Variants in ARHGAP15 observed in about 807,000 individuals in gnomAD.
The protein encoded by ARHGAP15 is rho GTPase-activating protein 15.
ARHGAP15 carries 51 observed loss-of-function variants against 63.7 expected under a neutral mutation model. The ratio of observed to expected loss-of-function variants is 0.80; its 90% CI spans 0.64 to 1.01. The LOEUF (loss-of-function observed/expected upper bound fraction) is 1.01, where lower values mean the gene tolerates loss of function less well. ARHGAP15 is among the 50% of genes least tolerant of loss of function. The pLI is 0.00. For missense variants in ARHGAP15, 560 were observed against 564.6 expected, an observed-to-expected ratio of 0.99 and a Z score of 0.08; for synonymous variants, 191 against 193.8, an observed-to-expected ratio of 0.99 and a Z score of 0.12.
intron 6 of ARHGAP15, among the ~76,000 whole-genome samples, chr2:143,310,705 T>A (rs562348230): frequency 6.6e-6 from 1 of 152,038 alleles, no homozygotes; most frequent in Non-Finnish European, 1.5e-5. Flanking sequence ...TTACATACTT[T>A]ATTTACTTTC....
At chr2:143,320,407 C>CCCCCG (rs1558890268) in intron 6 of ARHGAP15, among the ~76,000 whole-genome samples, 1 of 39,014 alleles carries the variant, frequency 2.6e-5, no homozygotes, top group Non-Finnish European at 6.0e-5. Context: ...AGGACTTCCC[C>CCCCCG]ACCCCCCCCC....
Position 143,435,652 on chromosome 2 carries a change from A to T in ARHGAP15, c.526A>T (p.Ile176Phe), listed in dbSNP as rs1167964320. Residue 176 changes from isoleucine (I) to phenylalanine (F), a missense_variant, in exon 7 of 14, where the codon ATC becomes TTC. By Grantham distance (21) the Ile-to-Phe change is conservative. Coordinates refer to ENST00000295095, the MANE Select transcript of ARHGAP15 (RefSeq NM_018460.4). ...CCTTCTACAGTCAGATATTGACTTC[A>T]TCATATTGGATTGGTTCCACGCTAT... ...EFLLQSDIDF[I>F]ILDWFHAIKN... 1.2e-6 allele frequency: 2 copies of T among 1,602,606 alleles called. No homozygotes were observed. The highest frequency in any genetic ancestry group is 1.7e-6 in the Non-Finnish European group (2 of 1,177,178).
chr2:143,555,832 T>A (rs1268021933), intron 10 of ARHGAP15, among the ~76,000 whole-genome samples: 1 of 145,716 alleles, frequency 6.9e-6, no homozygotes, highest in Non-Finnish European at 1.5e-5. Flanking sequence ...GATCAAAATA[T>A]GTTATTCTGT....
chr2:143,518,962 T>C (rs1450955362), intron 9 of ARHGAP15: 2 of 195,968 alleles, frequency 1.0e-5, no homozygotes, highest in African/African-American at 4.7e-5. Flanking sequence ...AAAAATTTTC[T>C]CAATTCTTTG....
chr2:143,602,203 T>C (rs77739844), intron 11 of ARHGAP15, among the ~76,000 whole-genome samples: 4,007 of 152,242 alleles, frequency 0.026, 92 homozygotes, highest in South Asian at 0.059. Context: ...AAAAATAACA[T>C]TATACAGCTT....
chr2:143,271,687 G>A (rs1043943876), intron 6 of ARHGAP15, among the ~76,000 whole-genome samples: 2 of 152,142 alleles, frequency 1.3e-5, no homozygotes, highest in Non-Finnish European at 2.9e-5. Flanking sequence ...CATGTTAGTC[G>A]GGATAGTCTC....
At chr2:143,564,041 T>C (rs2105103713) in intron 11 of ARHGAP15, 1 of 152,400 alleles carries the variant, frequency 6.6e-6, no homozygotes, top group East Asian at 1.9e-4. Context: ...CAACTGAGGA[T>C]AGGTCTGCTT....
intron 8 of ARHGAP15, among the ~76,000 whole-genome samples, chr2:143,451,166 A>T (rs1690390903): frequency 6.6e-6 from 1 of 151,972 alleles, no homozygotes; most frequent in Admixed American, 6.6e-5. Context: ...AATAAACCTC[A>T]GTAAAGATGA....
At chr2:143,664,812 T>C (rs1031499723) in intron 12 of ARHGAP15, among the ~76,000 whole-genome samples, 1 of 151,790 alleles carries the variant, frequency 6.6e-6, no homozygotes, top group African/African-American at 2.4e-5. Flanking sequence ...AACCAGAAAA[T>C]CTAGAAGAAA....
intron 6 of ARHGAP15, among the ~76,000 whole-genome samples, chr2:143,409,324 TGA>T (rs1321845378): frequency 6.6e-6 from 1 of 151,818 alleles, no homozygotes; most frequent in Non-Finnish European, 1.5e-5. Context: ...GGGACACTAA[TGA>T]GAGAATCTTT....
At chr2:143,490,697 T>G (rs568899127) in intron 9 of ARHGAP15, among the ~76,000 whole-genome samples, 1 of 152,276 alleles carries the variant, frequency 6.6e-6, no homozygotes, top group South Asian at 2.1e-4. Context: ...CTTAGCTCAC[T>G]GCAACCTCTG....
chr2:143,230,771 G>A (rs1693402144), intron 5 of ARHGAP15, among the ~76,000 whole-genome samples: 2 of 152,122 alleles, frequency 1.3e-5, no homozygotes, highest in Non-Finnish European at 2.9e-5. Context: ...CGATTGCCAG[G>A]CCTTGATTAA....
intron 8 of ARHGAP15, among the ~76,000 whole-genome samples, chr2:143,475,962 T>G (rs1691796024): frequency 6.6e-6 from 1 of 152,184 alleles, no homozygotes; most frequent in Non-Finnish European, 1.5e-5. Context: ...CACACCAGAT[T>G]TAATTAAAGC....
At chr2:143,636,651 T>G (rs1482110494) in intron 12 of ARHGAP15, among the ~76,000 whole-genome samples, 1 of 152,128 alleles carries the variant, frequency 6.6e-6, no homozygotes, top group Non-Finnish European at 1.5e-5. Flanking sequence ...CCTTAAATAT[T>G]TTTAAAACAC....
At chr2:143,285,193 C>T (rs1373345926) in intron 6 of ARHGAP15, among the ~76,000 whole-genome samples, 1 of 152,102 alleles carries the variant, frequency 6.6e-6, no homozygotes, top group Non-Finnish European at 1.5e-5. Flanking sequence ...TGCCTTCACA[C>T]TTGGGATTTT....
At position 143,726,343 on chromosome 2, in the gene ARHGAP15, T is replaced by A. The variant is rs1301580242; in HGVS notation, c.1244+22819T>A. Among the ~76,000 whole-genome samples, 7 of 152,146 alleles carry A rather than the reference T, an allele frequency of 4.6e-5. No individual in the cohort carries two copies. The East Asian group carries it at 1.3e-3, about 29-fold the overall frequency. ...TTTAAGGCATTTGCCAAAGAGGCAG[T>A]GTTTTTAGACAGCTCTTCTAAAGTA... is the stretch of plus-strand genomic sequence containing the variant. On this transcript the variant is annotated intron_variant, in intron 13 of 13. Transcript: ENST00000295095.
chr2:143,745,805 A>C (rs183880795), intron 13 of ARHGAP15, among the ~76,000 whole-genome samples: 116 of 152,318 alleles, frequency 7.6e-4, no homozygotes, highest in Admixed American at 1.2e-3. Context: ...GGAAATTAGA[A>C]ATTCTTCTGC....
intron 6 of ARHGAP15, among the ~76,000 whole-genome samples, chr2:143,317,946 T>G (rs1212617654): frequency 6.6e-6 from 1 of 152,126 alleles, no homozygotes; most frequent in East Asian, 1.9e-4. Flanking sequence ...TTTTGTTTTG[T>G]TTTTTGCTAT....
chr2:143,578,977 G>C (rs1316874799), intron 11 of ARHGAP15, among the ~76,000 whole-genome samples: 6 of 151,924 alleles, frequency 3.9e-5, no homozygotes, highest in African/African-American at 1.2e-4. Flanking sequence ...ATTTTTTCCA[G>C]CTGAACAGAA....
Sources: allele counts gnomAD v4.1 joint callset (sites outside exome capture counted in the v4.1 genomes callset), GRCh38; gene constraint gnomAD v4.1.1; transcripts MANE v1.5; gene names NCBI Gene and HGNC (gene_info 2026-07-23, HGNC 2026-07-21).